Variants in TMEM132D observed in about 807,000 individuals in gnomAD.
TMEM132D encodes the protein mature OL transmembrane protein.
TMEM132D carries 21 observed loss-of-function variants against 62.3 expected under a neutral mutation model. That is an observed-to-expected ratio of 0.34 (90% CI 0.24 to 0.49). The LOEUF (loss-of-function observed/expected upper bound fraction) is 0.49. Among genes scored for constraint, TMEM132D ranks in the 20% least tolerant of loss-of-function variants. The pLI, the probability that TMEM132D is intolerant of heterozygous loss-of-function variation, is 0.99. For synonymous variants in TMEM132D, 621 were observed against 575.6 expected (o/e 1.08, Z -1.13); for missense variants, 1,346 against 1,402.8 (o/e 0.96, Z 0.65).
intron 1 of TMEM132D, among the ~76,000 whole-genome samples, chr12:129,732,472 C>T (rs980798128): frequency 1.3e-5 from 2 of 152,098 alleles, no homozygotes; most frequent in Admixed American, 6.5e-5. Flanking sequence ...TCAGAGGGGC[C>T]GATGCCTCAG....
intron 1 of TMEM132D, among the ~76,000 whole-genome samples, chr12:129,756,010 AT>A (rs1870157338): frequency 1.3e-5 from 2 of 152,196 alleles, no homozygotes; most frequent in Non-Finnish European, 2.9e-5. Context: ...TGACAGGCCT[AT>A]TTCACCAGGA....
chr12:129,129,367 C>T (rs1433728944), intron 5 of TMEM132D, among the ~76,000 whole-genome samples: 2 of 152,106 alleles, frequency 1.3e-5, no homozygotes, highest in Non-Finnish European at 2.9e-5. Context: ...GTATATGTAC[C>T]ATGTTTTCTT....
In TMEM132D at chr12:129,714,021, G is replaced by A. The variant is rs1411343569; in HGVS notation, c.80-13323C>T. Among the ~76,000 whole-genome samples the A allele has an allele frequency of 4.6e-5, 7 of 152,332 alleles. No homozygotes were observed. The East Asian group carries it at 9.7e-4, about 21-fold the overall frequency. On this transcript the variant is annotated intron_variant, in intron 1 of 8. Transcript: ENST00000422113. Reference sequence around the variant, plus strand: ...GGTAAGGTGATAGACAAAGTCCACGGGAGGAAGCACCTCTGACTGTGGCAT... The same window carrying A: ...GGTAAGGTGATAGACAAAGTCCACGAGAGGAAGCACCTCTGACTGTGGCAT...
At chr12:129,496,323 A>G (rs1332497818) in intron 3 of TMEM132D, among the ~76,000 whole-genome samples, 1 of 152,186 alleles carries the variant, frequency 6.6e-6, no homozygotes, top group Non-Finnish European at 1.5e-5. Flanking sequence ...GGAATCTTTA[A>G]AAGCAGAAGA....
At chr12:129,760,303 G>C (rs967619090) in intron 1 of TMEM132D, among the ~76,000 whole-genome samples, 1 of 143,782 alleles carries the variant, frequency 7.0e-6, no homozygotes, top group African/African-American at 2.6e-5. Flanking sequence ...GCAACAGACA[G>C]AAATGATGTA....
intron 3 of TMEM132D, among the ~76,000 whole-genome samples, chr12:129,360,965 T>C (rs1002406950): frequency 5.3e-5 from 8 of 152,138 alleles, no homozygotes; most frequent in Non-Finnish European, 1.2e-4. Context: ...AATCTGTGAA[T>C]GGGAGCGCTC....
chr12:129,106,966 T>C (rs1193668897), intron 5 of TMEM132D, among the ~76,000 whole-genome samples: 1 of 152,200 alleles, frequency 6.6e-6, no homozygotes, highest in Non-Finnish European at 1.5e-5. Context: ...GCTGAGATTC[T>C]GGTGCTGTTT....
At chr12:129,606,565 T>A (rs1878630676) in intron 2 of TMEM132D, among the ~76,000 whole-genome samples, 1 of 152,070 alleles carries the variant, frequency 6.6e-6, no homozygotes, top group African/African-American at 2.4e-5. Context: ...CTGGACAAGA[T>A]GAACCAGTGA....
intron 3 of TMEM132D, among the ~76,000 whole-genome samples, chr12:129,352,810 G>A (rs982208414): frequency 2.6e-5 from 4 of 152,198 alleles, no homozygotes; most frequent in African/African-American, 9.6e-5. Flanking sequence ...TACACTGTTG[G>A]TGGGAGTATA....
intron 2 of TMEM132D, among the ~76,000 whole-genome samples, chr12:129,669,515 G>A (rs1257786693): frequency 6.6e-6 from 1 of 152,050 alleles, no homozygotes; most frequent in Non-Finnish European, 1.5e-5. Context: ...GACCAGGCTG[G>A]CCAACATAGT....
rs2137227276 is a variant in TMEM132D, at chr12:129,700,442, T to C, written c.336A>G (p.Leu112=). 1 of 1,614,058 alleles carries C rather than the reference T, an allele frequency of 6.2e-7. No homozygotes were observed. The highest frequency in any genetic ancestry group is 1.1e-5 in the South Asian group (1 of 91,080). Reference sequence around the variant, plus strand: ...TGGTGAATCCAAATGGGTTGGAAGGTAGCATTAAATCCTGGGGCACCACTT... The same window carrying C: ...TGGTGAATCCAAATGGGTTGGAAGGCAGCATTAAATCCTGGGGCACCACTT... ...IEQVVPQDLM[L]PSNPFGFTNK... Residue 112 remains leucine (L), a synonymous_variant, in exon 2 of 9, where the codon CTA becomes CTG. Transcript: ENST00000422113.
At chr12:129,741,691 G>A (rs1869614334) in intron 1 of TMEM132D, among the ~76,000 whole-genome samples, 1 of 152,112 alleles carries the variant, frequency 6.6e-6, no homozygotes, top group African/African-American at 2.4e-5. Context: ...ATTAGGACTG[G>A]GATTTTTGAA....
At chr12:129,317,840 CTTATTATTT>C (rs1868535133) in intron 4 of TMEM132D, among the ~76,000 whole-genome samples, 1 of 151,942 alleles carries the variant, frequency 6.6e-6, no homozygotes, top group Non-Finnish European at 1.5e-5. Flanking sequence ...TTCATATTTT[CTTATTATTT>C]TTTCTTTGTC....
intron 3 of TMEM132D, among the ~76,000 whole-genome samples, chr12:129,441,088 T>C (rs1306734983): frequency 6.6e-6 from 1 of 152,214 alleles, no homozygotes; most frequent in Non-Finnish European, 1.5e-5. Flanking sequence ...AGAGGGAATT[T>C]AATCCAGGGC....
At chr12:129,608,695 T>C (rs537667988) in intron 2 of TMEM132D, among the ~76,000 whole-genome samples, 63 of 152,332 alleles carry the variant, frequency 4.1e-4, no homozygotes, top group South Asian at 1.9e-3. Context: ...ATATCAAAGT[T>C]GATGAAGCCA....
intron 1 of TMEM132D, among the ~76,000 whole-genome samples, chr12:129,884,797 A>T (rs1200749304): frequency 6.6e-6 from 1 of 152,224 alleles, no homozygotes; most frequent in Non-Finnish European, 1.5e-5. Flanking sequence ...AAGAAATGAA[A>T]GCATGTGTTT....
At chr12:129,864,656 T>C (rs1426922326) in intron 1 of TMEM132D, among the ~76,000 whole-genome samples, 1 of 152,206 alleles carries the variant, frequency 6.6e-6, no homozygotes, top group African/African-American at 2.4e-5. Context: ...CTAGTGGCAC[T>C]GATGTTGGGT....
intron 2 of TMEM132D, among the ~76,000 whole-genome samples, chr12:129,562,005 C>T (rs1385523503): frequency 6.6e-6 from 1 of 152,110 alleles, no homozygotes; most frequent in Non-Finnish European, 1.5e-5. Context: ...AATAGAAATG[C>T]CACTTTATTT....
chr12:129,487,968 G>A (rs1874642001), intron 3 of TMEM132D, among the ~76,000 whole-genome samples: 1 of 134,980 alleles, frequency 7.4e-6, no homozygotes, highest in Non-Finnish European at 1.6e-5. Context: ...AAAAAAGAGT[G>A]AATCTGGCCT....
Sources: gnomAD v4.1 joint callset for allele counts (sites outside exome capture counted in the v4.1 genomes callset) on GRCh38, gnomAD v4.1.1 for gene constraint, MANE v1.5 for transcripts, NCBI Gene and HGNC (gene_info 2026-07-23, HGNC 2026-07-21) for gene names.